RSPRY1: variants seen among roughly 807,000 people sequenced by gnomAD.
The protein encoded by RSPRY1 is ring finger and SPRY domain containing 1, also known as RING finger and SPRY domain-containing protein 1.
RSPRY1 carries 23 observed loss-of-function variants against 73.1 expected under a neutral mutation model. That is an observed-to-expected ratio of 0.31 (90% CI 0.23 to 0.45). The LOEUF (loss-of-function observed/expected upper bound fraction) is 0.45. RSPRY1 is among the 20% of genes least tolerant of loss of function. The pLI is 1.00. For synonymous variants in RSPRY1, 226 were observed against 251.4 expected, an observed-to-expected ratio of 0.90 and a Z score of 0.95; for missense variants, 448 against 698.7, an observed-to-expected ratio of 0.64 and a Z score of 4.05.
At chr16:57,211,289 G>T (rs1456509018) in intron 4 of RSPRY1, among the ~76,000 whole-genome samples, 1 of 145,656 alleles carries the variant, frequency 6.9e-6, no homozygotes, top group African/African-American at 2.5e-5. Context: ...AAAAAAGAAA[G>T]CCAGGCACGG....
chr16:57,209,578 G>T (rs1437061000), intron 4 of RSPRY1, among the ~76,000 whole-genome samples: 3 of 152,142 alleles, frequency 2.0e-5, no homozygotes, highest in Non-Finnish European at 4.4e-5. Context: ...TGGCCAGGCT[G>T]GTCTTGAACT....
At chr16:57,201,830 G>A (rs1240213340) in intron 1 of RSPRY1, among the ~76,000 whole-genome samples, 3 of 152,202 alleles carry the variant, frequency 2.0e-5, no homozygotes, top group Non-Finnish European at 2.9e-5. Flanking sequence ...GTGGCGGTGC[G>A]CGCCTGCAAT....
intron 12 of RSPRY1, 50 bp downstream of exon 12, chr16:57,230,863 T>C: frequency 9.5e-7 from 1 of 1,049,774 alleles, no homozygotes; most frequent in Non-Finnish European, 1.5e-6. Flanking sequence ...CGGAATGCCC[T>C]TTTCTCTAGG....
chr16:57,238,093 TA>T (rs554843752), intron 14 of RSPRY1, among the ~76,000 whole-genome samples: 71 of 148,574 alleles, frequency 4.8e-4, no homozygotes, highest in Non-Finnish European at 8.5e-4. Context: ...TTACCATGGT[TA>T]AAAAAAAAAG....
At chr16:57,200,986 A>ACGGG (rs1156527237) in intron 1 of RSPRY1, among the ~76,000 whole-genome samples, 2 of 36,318 alleles carry the variant, frequency 5.5e-5, no homozygotes, top group Non-Finnish European at 1.2e-4. Flanking sequence ...TCCCTCCCGG[A>ACGGG]CGGGCGGCTG....
intron 1 of RSPRY1, among the ~76,000 whole-genome samples, chr16:57,195,247 C>T (rs1312656750): frequency 5.3e-5 from 8 of 152,174 alleles, no homozygotes; most frequent in Admixed American, 2.0e-4. Flanking sequence ...CATGGTGGCT[C>T]ACACCTGTAA....
At chr16:57,196,356 A>C (rs2074447375) in intron 1 of RSPRY1, among the ~76,000 whole-genome samples, 1 of 152,208 alleles carries the variant, frequency 6.6e-6, no homozygotes, top group Non-Finnish European at 1.5e-5. Flanking sequence ...TTTTGACCCA[A>C]GAAGAAATGC....
chr16:57,188,618 G>C (rs186877372), intron 1 of RSPRY1, among the ~76,000 whole-genome samples: 1 of 152,262 alleles, frequency 6.6e-6, no homozygotes, highest in Non-Finnish European at 1.5e-5. Flanking sequence ...CTGGGTTCAA[G>C]CGATTCTCCT....
Position 57,204,667 on chromosome 16 carries a change from C to A in RSPRY1, c.9C>A (p.Val3=), listed in dbSNP as rs746014047. The A allele has an allele frequency of 6.2e-7, 1 of 1,613,606 alleles. No homozygotes were observed. The highest frequency in any genetic ancestry group is 1.7e-5 in the Admixed American group (1 of 59,994). ...AACTGAAAACTACCTAAATGATCGT[C>A]TTTGGTTGGGCCGTGTTCTTAGCGA... MI[V]FGWAVFLASR... Residue 3 remains valine, a synonymous_variant, in exon 2 of 15, where the codon GTC becomes GTA. Transcript: ENST00000394420.
chr16:57,208,302 C>CTTTTTTTTTT (rs34138044), intron 3 of RSPRY1, among the ~76,000 whole-genome samples, 192 bp downstream of exon 3: 4 of 79,182 alleles, frequency 5.1e-5, no homozygotes, highest in East Asian at 3.3e-4. Flanking sequence ...CATATTATAC[C>CTTTTTTTTTT]TTTTTTTTTT....
At chr16:57,234,997 A>G (rs922948643) in intron 13 of RSPRY1, 127 bp from the exon 14 acceptor site, 27 of 643,338 alleles carry the variant, frequency 4.2e-5, no homozygotes, top group African/African-American at 3.5e-4. Flanking sequence ...ATGTATGAAA[A>G]CCTTACTGAA....
At chr16:57,198,383 C>CA (rs56031703) in intron 1 of RSPRY1, among the ~76,000 whole-genome samples, 53,877 of 143,122 alleles carry the variant, frequency 0.38, 10,037 homozygotes, top group South Asian at 0.52. Flanking sequence ...GACTCCGTCT[C>CA]AAAAAAAAAA....
intron 6 of RSPRY1, among the ~76,000 whole-genome samples, chr16:57,214,778 C>T (rs1364516705): frequency 3.3e-5 from 5 of 152,348 alleles, no homozygotes; most frequent in Middle Eastern, 3.4e-3. Flanking sequence ...CCTATAAGCC[C>T]GGCATTTTGG....
At chr16:57,231,689 A>G (rs1320417536) in intron 13 of RSPRY1, among the ~76,000 whole-genome samples, 29 of 152,220 alleles carry the variant, frequency 1.9e-4, no homozygotes, top group African/African-American at 7.0e-4. Context: ...TGACACATGC[A>G]CACAAACTGC....
At chr16:57,202,329 T>A (rs1437214027) in intron 1 of RSPRY1, among the ~76,000 whole-genome samples, 6 of 152,156 alleles carry the variant, frequency 3.9e-5, no homozygotes, top group Non-Finnish European at 5.9e-5. Context: ...TCAGTGAAAT[T>A]TCTGTGAGAG....
Position 57,204,705 on chromosome 16 carries a change from G to C in RSPRY1, c.47G>C (p.Gly16Ala), listed in dbSNP as rs758306925. ...WAVFLASRSL[G>A]QGLLLTLEEH... ...GTGTTCTTAGCGAGCAGAAGCCTTG[G>C]CCAGGGTCTGTTGTTGACTCTCGAA... Residue 16 changes from glycine (G) to alanine (A), a missense_variant, in exon 2 of 15, where the codon GGC becomes GCC. Coordinates refer to ENST00000394420, the MANE Select transcript of RSPRY1 (RefSeq NM_133368.3). The C allele has an allele frequency of 6.8e-6, 11 of 1,614,166 alleles. No homozygotes were observed. Among genetic ancestry groups the C allele is most frequent in the Non-Finnish European group, 9.3e-6 (11 of 1,180,016 alleles).
intron 1 of RSPRY1, among the ~76,000 whole-genome samples, chr16:57,195,266 C>T (rs922828413): frequency 2.0e-5 from 3 of 152,216 alleles, no homozygotes; most frequent in African/African-American, 7.2e-5. Context: ...AATCCCAGCA[C>T]TTTGGGAGGC....
At chr16:57,200,687 CG>C (rs2074561690) in intron 1 of RSPRY1, among the ~76,000 whole-genome samples, 4 of 25,024 alleles carry the variant, frequency 1.6e-4, no homozygotes, top group African/African-American at 1.7e-4. Context: ...CCCTCCCGGA[CG>C]GGGCGGCTGG....
intron 4 of RSPRY1, among the ~76,000 whole-genome samples, chr16:57,210,362 A>G (rs2074816783): frequency 1.3e-5 from 2 of 151,988 alleles, no homozygotes; most frequent in Admixed American, 1.3e-4. Context: ...TTATACGTGT[A>G]AGCCACTGTG....
Sources: gnomAD v4.1 joint callset for allele counts (sites outside exome capture counted in the v4.1 genomes callset) on GRCh38, gnomAD v4.1.1 for gene constraint, MANE v1.5 for transcripts, NCBI Gene and HGNC (gene_info 2026-07-23, HGNC 2026-07-21) for gene names.